Variants in IPCEF1 observed in about 807,000 individuals in gnomAD.
IPCEF1 encodes the protein interactor protein for cytohesin exchange factors 1.
IPCEF1 carries 31 observed loss-of-function variants against 50.9 expected under a neutral mutation model. The ratio of observed to expected loss-of-function variants is 0.61; its 90% confidence interval spans 0.46 to 0.82. The LOEUF (loss-of-function observed/expected upper bound fraction) is 0.82. Ranked by LOEUF, IPCEF1 falls within the 40% of genes least tolerant of loss-of-function variation. IPCEF1 has a pLI of 0.00. For synonymous variants in IPCEF1, 181 were observed against 192.0 expected, an observed-to-expected ratio of 0.94 and a Z score of 0.47; for missense variants, 458 against 514.0, an observed-to-expected ratio of 0.89 and a Z score of 1.05.
In IPCEF1 at chr6:154,309,920, C is replaced by T. The variant is rs148988706; in HGVS notation, c.-61-20164G>A. ...CTGGGATTACAGGCGCATGCCACCACGCCTGGCTAATTTTTGTATTTTTAG... is the reference window on the plus strand; with the variant it reads ...CTGGGATTACAGGCGCATGCCACCATGCCTGGCTAATTTTTGTATTTTTAG... On this transcript the variant is annotated intron_variant, in intron 1 of 11. Coordinates refer to ENST00000367220, the MANE Select transcript of IPCEF1 (RefSeq NM_001130700.2). Among the ~76,000 whole-genome samples, 1,438 of 152,090 alleles carry T rather than the reference C, an allele frequency of 9.5e-3. 8 individuals are homozygous for T. Among genetic ancestry groups the T allele is most frequent in the Non-Finnish European group, 0.016 (1,098 of 67,980 alleles).
At chr6:154,230,078 A>T (rs1779603770) in intron 5 of IPCEF1, among the ~76,000 whole-genome samples, 1 of 152,140 alleles carries the variant, frequency 6.6e-6, no homozygotes, top group Admixed American at 6.5e-5. Flanking sequence ...ACTGACTGTA[A>T]ATGGGGATGG....
intron 3 of IPCEF1, among the ~76,000 whole-genome samples, chr6:154,260,850 A>G (rs907896102): frequency 1.3e-5 from 2 of 152,140 alleles, no homozygotes; most frequent in African/African-American, 4.8e-5. Context: ...TGAGAAACTG[A>G]TCATAAAAGA....
intron 3 of IPCEF1, among the ~76,000 whole-genome samples, chr6:154,264,834 A>G (rs952010689): frequency 6.6e-6 from 1 of 152,154 alleles, no homozygotes; most frequent in African/African-American, 2.4e-5. Flanking sequence ...GCCGCCCTGC[A>G]TGTTACTAAG....
intron 1 of IPCEF1, among the ~76,000 whole-genome samples, chr6:154,351,363 T>A (rs751281565): frequency 3.3e-5 from 5 of 152,224 alleles, no homozygotes; most frequent in Non-Finnish European, 1.5e-5. Flanking sequence ...AGTCCCCTTT[T>A]GTTCCCTGCT....
intron 1 of IPCEF1, among the ~76,000 whole-genome samples, chr6:154,353,746 T>C (rs17085351): frequency 0.042 from 6,341 of 152,336 alleles, 453 homozygotes; most frequent in African/African-American, 0.15. Flanking sequence ...AACATTTTAA[T>C]GCATTTCACC....
chr6:154,337,227 TAGA>T (rs1783805809), intron 1 of IPCEF1, among the ~76,000 whole-genome samples: 1 of 152,210 alleles, frequency 6.6e-6, no homozygotes, highest in South Asian at 2.1e-4. Flanking sequence ...ATTTGTAATT[TAGA>T]AGGAGATTTC....
At chr6:154,250,936 G>T (rs1781322724) in intron 3 of IPCEF1, among the ~76,000 whole-genome samples, 1 of 152,134 alleles carries the variant, frequency 6.6e-6, no homozygotes, top group South Asian at 2.1e-4. Flanking sequence ...CCAAGCCACA[G>T]AAATTCCTGA....
chr6:154,262,769 CTTTTTTTTTTTT>C (rs138504583), intron 3 of IPCEF1, among the ~76,000 whole-genome samples: 5 of 97,722 alleles, frequency 5.1e-5, no homozygotes, highest in Non-Finnish European at 5.8e-5. Context: ...GCTTATAATC[CTTTTTTTTTTTT>C]TTTTTTTTTT....
intron 1 of IPCEF1, among the ~76,000 whole-genome samples, chr6:154,328,990 T>G (rs1012638242): frequency 1.3e-5 from 2 of 152,312 alleles, no homozygotes; most frequent in Non-Finnish European, 2.9e-5. Context: ...AGAAAAAAAT[T>G]TATATCTTTT....
In IPCEF1 at chr6:154,177,472, G is replaced by A. The variant is rs142040347; in HGVS notation, c.911-9359C>T. ...AAACAAACAACCCCATCAGAAAGTG[G>A]GCAAAGGACATGAACAGACACTTCT... is the stretch of plus-strand genomic sequence containing the variant. On this transcript the variant is annotated intron_variant, in intron 10 of 11. Coordinates refer to ENST00000367220, the MANE Select transcript of IPCEF1 (RefSeq NM_001130700.2). Among the ~76,000 whole-genome samples the A allele has an allele frequency of 7.1e-3, 1,074 of 152,228 alleles. 17 individuals are homozygous for A. The highest frequency in any genetic ancestry group is 0.025 in the African/African-American group (1,038 of 41,530).
At chr6:154,321,612 T>C (rs1783377615) in intron 1 of IPCEF1, among the ~76,000 whole-genome samples, 1 of 151,648 alleles carries the variant, frequency 6.6e-6, no homozygotes, top group Non-Finnish European at 1.5e-5. Context: ...ACCCCATCTT[T>C]ACTAAAAATA....
At position 154,258,934 on chromosome 6, in the gene IPCEF1, T is replaced by C. The variant is rs376296457; in HGVS notation, c.36+6978A>G. On this transcript the variant is annotated intron_variant, in intron 3 of 11. Coordinates refer to ENST00000367220, the MANE Select transcript of IPCEF1 (RefSeq NM_001130700.2). Reference sequence around the variant, plus strand: ...AAAAAATATTTAACAAAAAGTTTTATGGTCTTATATCAATTTTTCCTTCAT... The same window carrying C: ...AAAAAATATTTAACAAAAAGTTTTACGGTCTTATATCAATTTTTCCTTCAT... Among the ~76,000 whole-genome samples, 3 of 152,350 alleles carry C rather than the reference T, an allele frequency of 2.0e-5. No homozygotes were observed. The South Asian group carries it at 6.2e-4, about 32-fold the overall frequency.
At chr6:154,247,134 T>A in intron 4 of IPCEF1, 1 of 423,018 alleles carries the variant, frequency 2.4e-6, no homozygotes, top group Admixed American at 3.9e-5. Flanking sequence ...GTAACATAGC[T>A]CCTCTCAACA....
rs7759388 is a variant in IPCEF1 at position 154,246,542 on chromosome 6, G to A, written c.246+49C>T. 0.15 allele frequency: 239,186 copies of A among 1,560,458 alleles called. 19,767 individuals carry two copies. The highest frequency in any genetic ancestry group is 0.17 in the Non-Finnish European group (197,355 of 1,148,508). ...ATAGGGATCACCTGATGCCTTTAAC[G>A]TATCCCTCATTAAAACGGCTGGGAA... On this transcript the variant is annotated intron_variant, in intron 5 of 11. Transcript: ENST00000367220.
chr6:154,343,171 C>A (rs919072515), intron 1 of IPCEF1, among the ~76,000 whole-genome samples: 1 of 152,044 alleles, frequency 6.6e-6, no homozygotes, highest in Non-Finnish European at 1.5e-5. Flanking sequence ...CGAGTTTTTC[C>A]CAGAAACGCC....
intron 1 of IPCEF1, among the ~76,000 whole-genome samples, chr6:154,304,911 C>T (rs2128677193): frequency 6.6e-6 from 1 of 152,286 alleles, no homozygotes; most frequent in African/African-American, 2.4e-5. Flanking sequence ...GTTGGGAGCT[C>T]AAGACCAGCC....
At chr6:154,261,733 T>A (rs548733182) in intron 3 of IPCEF1, among the ~76,000 whole-genome samples, 85 of 152,322 alleles carry the variant, frequency 5.6e-4, no homozygotes, top group African/African-American at 2.0e-3. Flanking sequence ...CTGAGCATTT[T>A]TTTTAGCACC....
chr6:154,343,197 T>C (rs1359762194), intron 1 of IPCEF1, among the ~76,000 whole-genome samples: 1 of 152,164 alleles, frequency 6.6e-6, no homozygotes, highest in Non-Finnish European at 1.5e-5. Context: ...GCTGGCCTAA[T>C]AAGCCTCAAT....
intron 5 of IPCEF1, among the ~76,000 whole-genome samples, chr6:154,243,682 C>G (rs1780783654): frequency 6.6e-6 from 1 of 152,168 alleles, no homozygotes; most frequent in African/African-American, 2.4e-5. Flanking sequence ...ACAGGGTGGT[C>G]TTAATTGTGT....
Sources: gnomAD v4.1 joint callset for allele counts (sites outside exome capture counted in the v4.1 genomes callset) on GRCh38, gnomAD v4.1.1 for gene constraint, MANE v1.5 for transcripts, NCBI Gene and HGNC (gene_info 2026-07-23, HGNC 2026-07-21) for gene names.